EGFLAM: variants seen among roughly 807,000 people sequenced by gnomAD.
EGFLAM encodes pikachurin.
EGFLAM carries 79 observed loss-of-function variants against 113.1 expected under a neutral mutation model. That is an observed-to-expected ratio of 0.70 (90% CI 0.58 to 0.84). The LOEUF is 0.84. EGFLAM is among the 40% of genes least tolerant of loss of function. EGFLAM has a pLI of 0.00. For synonymous variants in EGFLAM, 504 were observed against 487.6 expected, an observed-to-expected ratio of 1.03 and a Z score of -0.44; for missense variants, 1,265 against 1,291.6, an observed-to-expected ratio of 0.98 and a Z score of 0.32.
chr5:38,261,015 G>T (rs2589789), intron 1 of EGFLAM, among the ~76,000 whole-genome samples: 79,157 of 151,988 alleles, frequency 0.52, 21,667 homozygotes, highest in African/African-American at 0.68. Context: ...TCGTGGCCAC[G>T]GTGCAGGCAT....
At chr5:38,264,738 T>C (rs903631650) in intron 1 of EGFLAM, among the ~76,000 whole-genome samples, 1 of 152,136 alleles carries the variant, frequency 6.6e-6, no homozygotes, top group Non-Finnish European at 1.5e-5. Context: ...GTACTCCATA[T>C]CCCAGTGCTG....
chr5:38,438,153 C>A, intron 16 of EGFLAM, 122 bp from the exon 17 acceptor site: 36 of 910,984 alleles, frequency 4.0e-5, no homozygotes, highest in South Asian at 6.6e-5. Context: ...GGAAACTGGA[C>A]TTAAAAAAAT....
intron 6 of EGFLAM, among the ~76,000 whole-genome samples, chr5:38,378,428 T>C (rs1740422160): frequency 6.6e-6 from 1 of 152,158 alleles, no homozygotes; most frequent in Admixed American, 6.6e-5. Context: ...CCCTTATCCC[T>C]GTTCGCAAGT....
intron 2 of EGFLAM, 41 bp downstream of exon 2, chr5:38,337,670 G>A (rs373467292): frequency 1.4e-4 from 203 of 1,500,402 alleles, no homozygotes; most frequent in Middle Eastern, 6.6e-4. Context: ...TGGGTGTGTC[G>A]TGTGACTGTA....
intron 1 of EGFLAM, among the ~76,000 whole-genome samples, chr5:38,281,832 T>C (rs1758029950): frequency 6.6e-6 from 1 of 152,240 alleles, no homozygotes; most frequent in South Asian, 2.1e-4. Flanking sequence ...TGATACACTG[T>C]AGCTGCTAAA....
In EGFLAM at chr5:38,313,757, C is replaced by T. The variant is rs966275802; in HGVS notation, c.98-23763C>T. ...AATTACTCATGTAATATTTGAATTA[C>T]TCATGTAAAATATTTGAATGTTTTT... On this transcript the variant is annotated intron_variant, in intron 1 of 21. Coordinates refer to ENST00000322350, the MANE Select transcript of EGFLAM (RefSeq NM_152403.4). Among the ~76,000 whole-genome samples the T allele has an allele frequency of 2.6e-5, 4 of 152,280 alleles. No homozygotes were observed. In the South Asian group the frequency reaches 8.3e-4, roughly 32 times the overall value.
intron 1 of EGFLAM, among the ~76,000 whole-genome samples, chr5:38,315,567 T>C (rs1458875345): frequency 6.6e-6 from 1 of 152,184 alleles, no homozygotes; most frequent in Non-Finnish European, 1.5e-5. Context: ...ATAGATGTTC[T>C]GAAATTAGAA....
chr5:38,316,440 C>T (rs761057409), intron 1 of EGFLAM, among the ~76,000 whole-genome samples: 1 of 152,312 alleles, frequency 6.6e-6, no homozygotes. Context: ...AGCTACTTAA[C>T]TTCTCTGTTT....
At chr5:38,345,402 T>A (rs1220794693) in intron 3 of EGFLAM, 1 of 152,256 alleles carries the variant, frequency 6.6e-6, no homozygotes, top group African/African-American at 2.4e-5. Flanking sequence ...GTCCTGAAAG[T>A]CGCCTGAGCT....
At chr5:38,394,698 C>A (rs1460582087) in intron 6 of EGFLAM, among the ~76,000 whole-genome samples, 4 of 143,604 alleles carry the variant, frequency 2.8e-5, no homozygotes, top group Admixed American at 1.4e-4. Flanking sequence ...CGTGAGCCAC[C>A]GCGCCGGGCC....
chr5:38,406,268 C>A, intron 7 of EGFLAM, 27 bp downstream of exon 7: 8 of 1,596,010 alleles, frequency 5.0e-6, no homozygotes, highest in Non-Finnish European at 6.9e-6. Flanking sequence ...CTCTTAAAAC[C>A]CAGGGTGTTT....
chr5:38,322,530 T>C (rs893448067), intron 1 of EGFLAM, among the ~76,000 whole-genome samples: 1 of 152,222 alleles, frequency 6.6e-6, no homozygotes, highest in Admixed American at 6.5e-5. Flanking sequence ...TCCTGCTCAC[T>C]GCTAGTACTC....
intron 3 of EGFLAM, among the ~76,000 whole-genome samples, chr5:38,349,892 A>G (rs1480054653): frequency 6.6e-6 from 1 of 150,940 alleles, no homozygotes; most frequent in Non-Finnish European, 1.5e-5. Context: ...GTAGGTACAA[A>G]TCAAGACCTC....
intron 10 of EGFLAM, among the ~76,000 whole-genome samples, chr5:38,409,350 G>A (rs1486858201): frequency 1.3e-5 from 2 of 152,180 alleles, no homozygotes; most frequent in Admixed American, 6.5e-5. Flanking sequence ...TGGCTCTGGA[G>A]GTGTTGTAGA....
At chr5:38,264,083 G>A (rs1467229279) in intron 1 of EGFLAM, among the ~76,000 whole-genome samples, 3 of 152,186 alleles carry the variant, frequency 2.0e-5, no homozygotes, top group Non-Finnish European at 4.4e-5. Context: ...GATTCCTGGG[G>A]TTAAAGACCG....
At chr5:38,444,578 AATT>A (rs1263042406) in intron 17 of EGFLAM, among the ~76,000 whole-genome samples, 2 of 152,206 alleles carry the variant, frequency 1.3e-5, no homozygotes, top group Non-Finnish European at 2.9e-5. Flanking sequence ...AAATATGTAA[AATT>A]ATTATGTGTC....
At chr5:38,339,032 T>C (rs1739266489) in intron 3 of EGFLAM, among the ~76,000 whole-genome samples, 1 of 152,204 alleles carries the variant, frequency 6.6e-6, no homozygotes, top group African/African-American at 2.4e-5. Flanking sequence ...CATTTTATCA[T>C]GCAAGAAAAC....
chr5:38,436,494 G>A (rs936337184), intron 16 of EGFLAM, among the ~76,000 whole-genome samples: 2 of 152,098 alleles, frequency 1.3e-5, no homozygotes, highest in Non-Finnish European at 2.9e-5. Flanking sequence ...GTTTCCCTTT[G>A]TTACTGAAGT....
chr5:38,349,968 C>G (rs200196608), intron 3 of EGFLAM, among the ~76,000 whole-genome samples: 1 of 89,576 alleles, frequency 1.1e-5, no homozygotes, highest in Non-Finnish European at 2.5e-5. Context: ...CACACACACA[C>G]ACACACACAC....
Sources: gnomAD v4.1 joint callset for allele counts (sites outside exome capture counted in the v4.1 genomes callset) on GRCh38, gnomAD v4.1.1 for gene constraint, MANE v1.5 for transcripts, NCBI Gene and HGNC (gene_info 2026-07-23, HGNC 2026-07-21) for gene names.